Variants in QTMAN observed in about 807,000 individuals in gnomAD.
The protein encoded by QTMAN is tRNA-queuosine alpha-mannosyltransferase.
the QTMAN span, among the ~76,000 whole-genome samples, chr2:144,233,640 G>A: frequency 6.6e-6 from 1 of 152,174 alleles, no homozygotes. Context: ...GCTCAATTGA[G>A]ACAGTGTAGG....
At chr2:143,949,524 G>C in the QTMAN span, among the ~76,000 whole-genome samples, 1 of 151,786 alleles carries the variant, frequency 6.6e-6, no homozygotes, top group Admixed American at 6.6e-5. Flanking sequence ...AAAAGAGTAA[G>C]GTGTAAAAAT....
the QTMAN span, among the ~76,000 whole-genome samples, chr2:144,166,564 A>G: frequency 6.6e-6 from 1 of 152,342 alleles, no homozygotes; most frequent in East Asian, 1.9e-4. Flanking sequence ...ACATATATAT[A>G]TGCAATCTTT....
the QTMAN span, among the ~76,000 whole-genome samples, chr2:143,963,373 C>T: frequency 6.6e-6 from 1 of 151,928 alleles, no homozygotes; most frequent in African/African-American, 2.4e-5. Context: ...AGAAAAAATA[C>T]TCTGTTTTTG....
the QTMAN span, among the ~76,000 whole-genome samples, chr2:144,204,997 G>T: frequency 1.5e-3 from 173 of 116,142 alleles, no homozygotes; most frequent in African/African-American, 5.1e-3. Context: ...CTGTTGTGGG[G>T]TGGGGGGAGG....
the QTMAN span, among the ~76,000 whole-genome samples, chr2:144,106,078 C>A: frequency 2.6e-5 from 4 of 152,246 alleles, no homozygotes; most frequent in African/African-American, 9.6e-5. Context: ...CACCACCAGG[C>A]CTGCCCTAAA....
chr2:143,938,114 C>T, the QTMAN span: 5 of 152,276 alleles, frequency 3.3e-5, no homozygotes, highest in East Asian at 9.6e-4. Context: ...CCTGGTATCA[C>T]AGCATTAGAA....
chr2:144,206,943 T>C, the QTMAN span, among the ~76,000 whole-genome samples: 1 of 152,182 alleles, frequency 6.6e-6, no homozygotes, highest in East Asian at 1.9e-4. Flanking sequence ...AAAAGTGCCA[T>C]AAAGTCAACT....
the QTMAN span, among the ~76,000 whole-genome samples, chr2:144,136,393 G>T: frequency 2.2e-5 from 1 of 45,224 alleles, no homozygotes; most frequent in Non-Finnish European, 4.1e-5. Flanking sequence ...AAAAGGAAAA[G>T]GAAAAGGAAA....
chr2:144,169,653 T>C, the QTMAN span, among the ~76,000 whole-genome samples: 9 of 152,166 alleles, frequency 5.9e-5, 1 homozygote, highest in Non-Finnish European at 1.3e-4. Context: ...TTGGATTTCT[T>C]ATTTTTGTTT....
chr2:144,035,279 G>C, the QTMAN span, among the ~76,000 whole-genome samples: 3 of 152,080 alleles, frequency 2.0e-5, no homozygotes, highest in African/African-American at 7.2e-5. Flanking sequence ...CATGCTTCCT[G>C]TACAGTCTAT....
At chr2:144,086,345 CTG>C in the QTMAN span, among the ~76,000 whole-genome samples, 1 of 152,276 alleles carries the variant, frequency 6.6e-6, no homozygotes, top group East Asian at 1.9e-4. Context: ...TAGGGTCTCG[CTG>C]TGTTACTCAG....
chr2:144,031,550 A>G, the QTMAN span, among the ~76,000 whole-genome samples: 1 of 152,166 alleles, frequency 6.6e-6, no homozygotes, highest in African/African-American at 2.4e-5. Flanking sequence ...AGATACAATC[A>G]TAAAACCTGA....
At chr2:144,174,787 C>T in the QTMAN span, among the ~76,000 whole-genome samples, 12 of 152,176 alleles carry the variant, frequency 7.9e-5, no homozygotes, top group African/African-American at 2.9e-4. Flanking sequence ...CTTCCTTCAC[C>T]TTCCGTCATG....
chr2:144,152,955 CAGT>C, the QTMAN span, among the ~76,000 whole-genome samples: 1 of 152,102 alleles, frequency 6.6e-6, no homozygotes, highest in Non-Finnish European at 1.5e-5. Flanking sequence ...TATGGCCACT[CAGT>C]GGAAGAAAAG....
At chr2:144,319,427 T>C in the QTMAN span, among the ~76,000 whole-genome samples, 11 of 152,178 alleles carry the variant, frequency 7.2e-5, no homozygotes, top group Admixed American at 3.3e-4. Context: ...ATGAGTTTCA[T>C]AGATATAAGA....
the QTMAN span, among the ~76,000 whole-genome samples, chr2:144,238,734 T>A: frequency 1.3e-5 from 2 of 152,116 alleles, no homozygotes; most frequent in East Asian, 3.8e-4. Flanking sequence ...CCCTACCAAC[T>A]ATCCCCATGA....
the QTMAN span, among the ~76,000 whole-genome samples, chr2:144,278,474 G>C: frequency 6.6e-6 from 1 of 151,780 alleles, no homozygotes; most frequent in Non-Finnish European, 1.5e-5. Flanking sequence ...ACCTACTACG[G>C]GCCAAGAGCT....
At chr2:144,199,204 C>G in the QTMAN span, among the ~76,000 whole-genome samples, 1 of 152,204 alleles carries the variant, frequency 6.6e-6, no homozygotes, top group South Asian at 2.1e-4. Flanking sequence ...CCCACCACTA[C>G]GCCCGGCTAA....
chr2:144,251,492 G>A, the QTMAN span, among the ~76,000 whole-genome samples: 1 of 152,096 alleles, frequency 6.6e-6, no homozygotes, highest in Non-Finnish European at 1.5e-5. Context: ...AATGAATCTA[G>A]ATGAAGACCT....
Sources: gnomAD v4.1 joint callset for allele counts (sites outside exome capture counted in the v4.1 genomes callset) on GRCh38, gnomAD v4.1.1 for gene constraint, MANE v1.5 for transcripts, NCBI Gene and HGNC (gene_info 2026-07-23, HGNC 2026-07-21) for gene names.